Variants in GLE1 observed in about 807,000 individuals in gnomAD.
GLE1 encodes the protein mRNA export factor GLE1.
In GLE1, 78 loss-of-function variants were observed where a neutral mutation model predicts 97.3. That is an observed-to-expected ratio of 0.80 (90% CI 0.67 to 0.97). The LOEUF (loss-of-function observed/expected upper bound fraction) is 0.97, where lower values mean the gene tolerates loss of function less well. Among genes scored for constraint, GLE1 ranks in the 50% least tolerant of loss-of-function variants. The pLI is 0.00. For missense variants in GLE1, 753 were observed against 857.5 expected (o/e 0.88, Z 1.52); for synonymous variants, 302 against 313.4 (o/e 0.96, Z 0.39).
chr9:128,518,206 T>C (rs545375505), intron 3 of GLE1, among the ~76,000 whole-genome samples: 1 of 151,736 alleles, frequency 6.6e-6, no homozygotes, highest in South Asian at 2.1e-4. Flanking sequence ...TAAAGTCCAC[T>C]CAGGTTGAAG....
At chr9:128,515,762 G>A (rs1253092217) in intron 3 of GLE1, 123 bp downstream of exon 3, 2 of 704,628 alleles carry the variant, frequency 2.8e-6, no homozygotes, top group Non-Finnish European at 5.2e-6. Context: ...TTAGTTTTGG[G>A]GGTAGTGTAA....
chr9:128,519,421 A>T (rs1847076551), intron 3 of GLE1, among the ~76,000 whole-genome samples: 1 of 152,204 alleles, frequency 6.6e-6, no homozygotes, highest in African/African-American at 2.4e-5. Context: ...GCCTGGGGGT[A>T]GGTCTATAGA....
intron 11 of GLE1, among the ~76,000 whole-genome samples, chr9:128,535,475 T>C (rs187274535): frequency 1.3e-3 from 171 of 134,688 alleles, no homozygotes; most frequent in African/African-American, 4.4e-3. Flanking sequence ...TGAGCCGAGA[T>C]CATGCCATTG....
chr9:128,512,269 G>A (rs1239972371), intron 2 of GLE1, among the ~76,000 whole-genome samples: 1 of 152,128 alleles, frequency 6.6e-6, no homozygotes, highest in Non-Finnish European at 1.5e-5. Flanking sequence ...TCTTGAGTGT[G>A]GTGGTGTTTA....
chr9:128,519,032 C>T (rs549460763), intron 3 of GLE1, among the ~76,000 whole-genome samples: 1 of 152,270 alleles, frequency 6.6e-6, no homozygotes, highest in East Asian at 1.9e-4. Context: ...ACTGCAATCT[C>T]TAAACATAAA....
chr9:128,520,382 A>ATGTGTATATATGTATG (rs1564148334), intron 3 of GLE1, among the ~76,000 whole-genome samples: 2 of 148,318 alleles, frequency 1.3e-5, no homozygotes, highest in Admixed American at 6.8e-5. Context: ...ATATATGTAT[A>ATGTGTATATATGTATG]TGTGTATATA....
At chr9:128,526,579 G>C (rs902716833) in intron 7 of GLE1, among the ~76,000 whole-genome samples, 1 of 151,930 alleles carries the variant, frequency 6.6e-6, no homozygotes, top group Non-Finnish European at 1.5e-5. Context: ...GGCTGGTTTC[G>C]AACTCCCGAC....
chr9:128,533,850 A>G lies in GLE1; in HGVS notation c.1545A>G (p.Arg515=), dbSNP rs1399175056. 6.2e-7 allele frequency: 1 copy of G among 1,612,734 alleles called. No homozygotes were observed. Among genetic ancestry groups the G allele is most frequent in the African/African-American group, 1.3e-5 (1 of 74,998 alleles). The change falls in exon 11 of 16, where the codon AGA becomes AGG. Residue 515 remains arginine (R), a synonymous_variant. Coordinates refer to ENST00000309971, the MANE Select transcript of GLE1 (RefSeq NM_001003722.2). ...VASGIWELHP[R]VGDLILAHLH... is the part of the protein sequence containing the mutation. ...CCGGGATCTGGGAGCTCCACCCCAG[A>G]GTGGGGGACCTCATTCTTGCTCATC...
chr9:128,504,978 C>A, intron 1 of GLE1, 74 bp downstream of exon 1: 3 of 964,964 alleles, frequency 3.1e-6, no homozygotes, highest in South Asian at 1.3e-5. Flanking sequence ...GCCGTTGGCA[C>A]GTTCTGCTCC....
chr9:128,529,837 C>T (rs1216016971), intron 9 of GLE1, among the ~76,000 whole-genome samples: 1 of 151,716 alleles, frequency 6.6e-6, no homozygotes, highest in Non-Finnish European at 1.5e-5. Flanking sequence ...AGTGCAGTGG[C>T]ACTATATCGG....
intron 2 of GLE1, among the ~76,000 whole-genome samples, chr9:128,509,492 C>G (rs905297158): frequency 2.0e-5 from 3 of 151,894 alleles, no homozygotes; most frequent in African/African-American, 7.3e-5. Context: ...TACCCTATTC[C>G]TGGCTCTGTT....
At chr9:128,530,057 A>G (rs555038945) in intron 9 of GLE1, among the ~76,000 whole-genome samples, 10 of 152,160 alleles carry the variant, frequency 6.6e-5, no homozygotes, top group Admixed American at 5.9e-4. Context: ...CGGCCTCCCA[A>G]AGTGCTGGGA....
intron 11 of GLE1, 77 bp downstream of exon 11, chr9:128,534,028 C>A: frequency 1.0e-6 from 1 of 968,306 alleles, no homozygotes; most frequent in Non-Finnish European, 1.7e-6. Context: ...TTTGTTTTTC[C>A]CTCCTCACAG....
Position 128,508,911 on chromosome 9 carries a change from ATCT to A in GLE1, c.140_142del (p.Ser47del). 1.2e-6 allele frequency: 2 copies of A among 1,609,296 alleles called. No individual in the cohort carries two copies. The highest frequency in any genetic ancestry group is 1.7e-6 in the Non-Finnish European group (2 of 1,175,618). ...AAGAATGTATGTCTCTTCCCAAGCT[ATCT>A]TCTTATTCTGGATGGGTGGTAGAGC... is the stretch of plus-strand genomic sequence containing the variant. On this transcript the variant is annotated inframe_deletion, in exon 2 of 16. Coordinates refer to ENST00000309971, the MANE Select transcript of GLE1 (RefSeq NM_001003722.2).
chr9:128,510,426 A>G (rs1846777151), intron 2 of GLE1, among the ~76,000 whole-genome samples: 1 of 149,504 alleles, frequency 6.7e-6, no homozygotes. Flanking sequence ...ATGGTGTTTC[A>G]CCATATTGGC....
At chr9:128,525,092 A>G (rs982145354) in intron 6 of GLE1, 100 bp from the exon 7 acceptor site, 1 of 840,884 alleles carries the variant, frequency 1.2e-6, no homozygotes, top group Non-Finnish European at 2.0e-6. Flanking sequence ...TGGATACTCC[A>G]TTGGTGCAAC....
intron 11 of GLE1, among the ~76,000 whole-genome samples, chr9:128,535,097 G>A (rs930302431): frequency 3.9e-5 from 6 of 152,032 alleles, no homozygotes; most frequent in African/African-American, 1.5e-4. Context: ...TCTGGGCCAG[G>A]TGCAGTGCCT....
In GLE1 at chr9:128,522,818, T is replaced by A; in HGVS notation, c.581+2T>A. 1 of 1,613,040 alleles carries A rather than the reference T, an allele frequency of 6.2e-7. No homozygotes were observed. Among genetic ancestry groups the A allele is most frequent in the Non-Finnish European group, 8.5e-7 (1 of 1,179,324 alleles). ...CTTGCGGGAAGTAATGGAGAAGAGG[T>A]GAGTCTCCCTGAATTATGACTGGGA... On this transcript the variant is annotated splice_donor_variant, in intron 4 of 15. Coordinates refer to ENST00000309971, the MANE Select transcript of GLE1 (RefSeq NM_001003722.2). LOFTEE classifies it high-confidence loss of function.
Position 128,522,716 on chromosome 9 carries a change from C to G in GLE1, c.481C>G (p.Leu161Val), listed in dbSNP as rs1000085560. Residue 161 changes from leucine (L) to valine (V), a missense_variant, in exon 4 of 16, where the codon CTC (leucine) becomes GTC (valine). Leu to Val is a conservative substitution (Grantham distance 32). Transcript: ENST00000309971. ...QEEQERKVQA[L>V]SEMASEQLKR... The stretch of plus-strand genomic sequence containing the variant: ...GGAGCAGGAGAGGAAGGTGCAAGCC[C>G]TCTCGGAGATGGCATCTGAACAACT... The G allele has an allele frequency of 6.2e-7, 1 of 1,613,260 alleles. No homozygotes were observed. Among genetic ancestry groups the G allele is most frequent in the Non-Finnish European group, 8.5e-7 (1 of 1,179,898 alleles).
Sources: allele counts gnomAD v4.1 joint callset (sites outside exome capture counted in the v4.1 genomes callset), GRCh38; gene constraint gnomAD v4.1.1; transcripts MANE v1.5; gene names NCBI Gene and HGNC (gene_info 2026-07-23, HGNC 2026-07-21).